Variants in CACNA1B observed in about 807,000 individuals in gnomAD.
CACNA1B encodes calcium voltage-gated channel subunit alpha1 B.
Under a neutral mutation model 247.2 loss-of-function variants are expected in CACNA1B, and 70 were observed. The ratio of observed to expected loss-of-function variants is 0.28; its 90% confidence interval spans 0.23 to 0.35. The LOEUF (loss-of-function observed/expected upper bound fraction) is 0.35, where lower values mean the gene tolerates loss of function less well. CACNA1B is among the 10% of genes least tolerant of loss of function. The pLI, the probability that CACNA1B is intolerant of heterozygous loss-of-function variation, is 1.00. For missense variants in CACNA1B, 2,367 were observed against 3,197.4 expected, an observed-to-expected ratio of 0.74 and a Z score of 6.26; for synonymous variants, 1,231 against 1,294.4, an observed-to-expected ratio of 0.95 and a Z score of 1.05.
intron 36 of CACNA1B, among the ~76,000 whole-genome samples, chr9:138,082,978 CCCTT>C (rs1960573331): frequency 6.6e-6 from 1 of 150,876 alleles, no homozygotes; most frequent in Non-Finnish European, 1.5e-5. Flanking sequence ...GAGAGCTTTT[CCCTT>C]TGGTGAGGAG....
Position 138,078,269 on chromosome 9 carries a change from G to A in CACNA1B, c.5094+11G>A, listed in dbSNP as rs142794268. The A allele has an allele frequency of 1.9e-6, 3 of 1,613,510 alleles. No homozygotes were observed. The African/African-American group carries it at 4.0e-5, about 22-fold the overall frequency. ...CTGTGCTCCTTTCTGGTGAGTCCTGGGCACTGTGCCCCTCCCAGTGCCACG... is the reference window on the plus strand; with the variant it reads ...CTGTGCTCCTTTCTGGTGAGTCCTGAGCACTGTGCCCCTCCCAGTGCCACG... On this transcript the variant is annotated intron_variant, in intron 36 of 46. Transcript: ENST00000371372.
intron 3 of CACNA1B, among the ~76,000 whole-genome samples, chr9:137,894,156 A>G (rs1015144324): frequency 6.6e-6 from 1 of 152,168 alleles, no homozygotes; most frequent in Non-Finnish European, 1.5e-5. Flanking sequence ...CAAAGAGTAC[A>G]ATCATTAGGC....
chr9:137,971,475 CG>C lies in CACNA1B; in HGVS notation c.1428del (p.Arg477AlafsTer3). Reference sequence around the variant, plus strand: ...GGAGAAGATGTTCCGGTTTTTTATCCGGCGCATGGTGAAGGCTCAGAGCTTC... The same window carrying C: ...GGAGAAGATGTTCCGGTTTTTTATCCGCGCATGGTGAAGGCTCAGAGCTTC... ...RKEKMFRFFI[R>X]RMVKAQSFYW... On this transcript the variant is annotated frameshift_variant, in exon 11 of 47. Transcript: ENST00000371372. LOFTEE classifies it high-confidence loss of function. The surrounding 1 kb of genome is among the most constrained non-coding windows in gnomAD (Gnocchi z 4.4). 1 of 1,613,358 alleles carries C rather than the reference CG, an allele frequency of 6.2e-7. No individual in the cohort carries two copies.
chr9:137,942,593 T>C (rs954086043), intron 6 of CACNA1B, among the ~76,000 whole-genome samples: 5 of 152,108 alleles, frequency 3.3e-5, no homozygotes, highest in African/African-American at 1.2e-4. Flanking sequence ...AGTCAACCAG[T>C]GGATAAAGAA....
At chr9:138,024,562 T>G (rs888325557) in intron 19 of CACNA1B, among the ~76,000 whole-genome samples, 1 of 151,862 alleles carries the variant, frequency 6.6e-6, no homozygotes, top group Non-Finnish European at 1.5e-5. Flanking sequence ...GCAGAGCAGG[T>G]GGTTATGGAT....
chr9:137,960,166 GTGT>G (rs1957996255), intron 10 of CACNA1B, among the ~76,000 whole-genome samples: 1 of 118,242 alleles, frequency 8.5e-6, no homozygotes, highest in Non-Finnish European at 1.8e-5. Context: ...TGAGGAACGT[GTGT>G]GGCGGGGAGG....
chr9:137,986,951 TC>T lies in CACNA1B; in HGVS notation c.1974+99del. On this transcript the variant is annotated intron_variant, in intron 15 of 46. Coordinates refer to ENST00000371372, the MANE Select transcript of CACNA1B (RefSeq NM_000718.4). This position sits in a 1 kb window ranked among gnomAD's most constrained non-coding sequence, Gnocchi z 6.0. Reference sequence around the variant, plus strand: ...CTCCTGTCATTCCCTCCCTTGTTCCTCCACACGGCCCAGATCACTGACTTTT... The same window carrying T: ...CTCCTGTCATTCCCTCCCTTGTTCCTCACACGGCCCAGATCACTGACTTTT... 1.1e-6 allele frequency: 1 copy of T among 910,304 alleles called. No homozygotes were observed. Among genetic ancestry groups the T allele is most frequent in the Non-Finnish European group, 1.8e-6 (1 of 545,880 alleles). The allele number at this position is 910,304 out of a possible 1,614,324, so 56.4% of individuals were successfully genotyped here.
In CACNA1B at chr9:137,912,920, A is replaced by G. The variant is rs571718575; in HGVS notation, c.531-260A>G. ...GTGCCTTTGAACTGGAGGTTTGGTC[A>G]TGTGGGTGATTGTGAACATTCCTGT... On this transcript the variant is annotated intron_variant, in intron 3 of 46. Transcript: ENST00000371372. Among the ~76,000 whole-genome samples, 4 of 152,288 alleles carry G rather than the reference A, an allele frequency of 2.6e-5. 1 individual carries two copies. The highest frequency in any genetic ancestry group is 3.9e-4 in the East Asian group (2 of 5,176).
intron 15 of CACNA1B, among the ~76,000 whole-genome samples, chr9:137,994,012 T>C (rs941625621): frequency 6.7e-6 from 1 of 150,148 alleles, no homozygotes; most frequent in Non-Finnish European, 1.5e-5. Context: ...ATCAAGTGGG[T>C]TTCATATCAG....
intron 3 of CACNA1B, among the ~76,000 whole-genome samples, chr9:137,901,032 CGTGTCTGTGCTGTGTGTCCGT>C (rs1957232897): frequency 8.8e-6 from 1 of 113,060 alleles, no homozygotes; most frequent in African/African-American, 3.5e-5. Flanking sequence ...TCCGTGTGTC[CGTGTCTGTGCTGTGTGTCCGT>C]GTGTCTGTGC....
chr9:138,052,637 C>T lies in CACNA1B; in HGVS notation c.3807+449C>T, dbSNP rs1373215434. Among the ~76,000 whole-genome samples the T allele has an allele frequency of 1.3e-5, 2 of 152,210 alleles. No individual in the cohort carries two copies. The highest frequency in any genetic ancestry group is 2.9e-5 in the Non-Finnish European group (2 of 68,030). On this transcript the variant is annotated intron_variant, in intron 25 of 46. Transcript: ENST00000371372. This position sits in a 1 kb window ranked among gnomAD's most constrained non-coding sequence, Gnocchi z 5.1. ...TTGTGAGCTTGTGCTAGGCCCTGTG[C>T]GAATTGCTTCATGTGCTTCAGCTCA... is the stretch of plus-strand genomic sequence containing the variant.
intron 6 of CACNA1B, among the ~76,000 whole-genome samples, chr9:137,923,349 A>AGTATTCCGTGGCTCCAGGTG (rs1564191273): frequency 7.7e-6 from 1 of 129,252 alleles, no homozygotes; most frequent in Non-Finnish European, 1.6e-5. Flanking sequence ...GGTGCCAGGT[A>AGTATTCCGTGGCTCCAGGTG]GTATTCCGTG....
chr9:137,956,528 C>A (rs372732583), intron 8 of CACNA1B, among the ~76,000 whole-genome samples: 1 of 152,206 alleles, frequency 6.6e-6, no homozygotes. Flanking sequence ...CATGGTAGCA[C>A]GTCCCTGTAA....
chr9:138,065,539 G>A (rs989074265), intron 31 of CACNA1B, among the ~76,000 whole-genome samples: 4 of 152,204 alleles, frequency 2.6e-5, no homozygotes, highest in African/African-American at 7.2e-5. Flanking sequence ...GCCCACACTG[G>A]TGTTCCTCCT....
rs1320156211 is a variant in CACNA1B, at chr9:137,936,798, GGT to G, written c.967-15473_967-15472del. ...AAAGATCAGATGGTTGTAGATGTAT[GGT>G]GTTATTTCTGAGGCCTCTGTTCTGT... On this transcript the variant is annotated intron_variant, in intron 6 of 46. Coordinates refer to ENST00000371372, the MANE Select transcript of CACNA1B (RefSeq NM_000718.4). Among the ~76,000 whole-genome samples, 3 of 152,270 alleles carry G rather than the reference GGT, an allele frequency of 2.0e-5. No individual in the cohort carries two copies. The East Asian group carries it at 5.8e-4, about 29-fold the overall frequency.
intron 16 of CACNA1B, among the ~76,000 whole-genome samples, chr9:138,008,048 C>G (rs1958676175): frequency 6.6e-6 from 1 of 152,150 alleles, no homozygotes; most frequent in South Asian, 2.1e-4. Flanking sequence ...GGGCCTGGTC[C>G]CCAGAGTGGG....
In CACNA1B at chr9:138,050,974, GA is replaced by G. The variant is rs1049756790; in HGVS notation, c.3711-1116del. On this transcript the variant is annotated intron_variant, in intron 24 of 46. Transcript: ENST00000371372. The surrounding 1 kb of genome is among the most constrained non-coding windows in gnomAD (Gnocchi z 5.2). ...GCCCCAAGTGTTGCTGGAGCCCCAG[GA>G]AGAGCACAGGGGGCAGGGCCACCCC... 1.2e-4 allele frequency among the ~76,000 whole-genome samples: 18 copies of G among 152,146 alleles called. No homozygotes were observed. Among genetic ancestry groups the G allele is most frequent in the African/African-American group, 3.9e-4 (16 of 41,430 alleles).
intron 6 of CACNA1B, among the ~76,000 whole-genome samples, chr9:137,947,739 C>G (rs115154548): frequency 6.6e-6 from 1 of 152,178 alleles, no homozygotes; most frequent in African/African-American, 2.4e-5. Flanking sequence ...TCTTTTCTTT[C>G]AGCACCTGAA....
At chr9:138,117,178 G>A (rs1427461787) in intron 42 of CACNA1B, among the ~76,000 whole-genome samples, 9 of 152,346 alleles carry the variant, frequency 5.9e-5, no homozygotes, top group South Asian at 2.1e-4. Flanking sequence ...AAGTATCTCC[G>A]GGTGGGGCTG....
Sources: gnomAD v4.1 joint callset for allele counts (sites outside exome capture counted in the v4.1 genomes callset) on GRCh38, gnomAD v4.1.1 for gene constraint, Gnocchi (gnomAD v3.1) non-coding constraint, MANE v1.5 for transcripts, NCBI Gene and HGNC (gene_info 2026-07-23, HGNC 2026-07-21) for gene names.